The following SNTB1 variants were observed in gnomAD, a reference collection of about 807,000 sequenced individuals.
The protein encoded by SNTB1 is beta-1-syntrophin.
Under a neutral mutation model 48.9 loss-of-function variants are expected in SNTB1, and 36 were observed. That is an observed-to-expected ratio of 0.74 (90% CI 0.56 to 0.97). The LOEUF (loss-of-function observed/expected upper bound fraction) is 0.97, where lower values mean the gene tolerates loss of function less well. SNTB1 is among the 50% of genes least tolerant of loss of function. SNTB1 has a pLI of 0.00. For missense variants in SNTB1, 786 were observed against 703.4 expected, an observed-to-expected ratio of 1.12 and a Z score of -1.33; for synonymous variants, 299 against 294.6, an observed-to-expected ratio of 1.01 and a Z score of -0.15.
chr8:120,802,525 G>T (rs895063537), intron 1 of SNTB1, among the ~76,000 whole-genome samples: 6 of 152,104 alleles, frequency 3.9e-5, no homozygotes, highest in African/African-American at 1.4e-4. Context: ...ATACACCCGT[G>T]TGGAATCATA....
At chr8:120,682,374 A>G (rs971574883) in intron 2 of SNTB1, among the ~76,000 whole-genome samples, 3 of 151,066 alleles carry the variant, frequency 2.0e-5, no homozygotes, top group African/African-American at 5.0e-5. Context: ...TAGGTCTGTT[A>G]TGAGTGCCAC....
chr8:120,638,790 T>A (rs1233146341), intron 2 of SNTB1, among the ~76,000 whole-genome samples: 2 of 152,344 alleles, frequency 1.3e-5, no homozygotes, highest in Admixed American at 1.3e-4. Flanking sequence ...ACATTTTCTT[T>A]ATCCAGTCTA....
intron 3 of SNTB1, among the ~76,000 whole-genome samples, chr8:120,628,750 C>T (rs1816926799): frequency 6.6e-6 from 1 of 151,204 alleles, no homozygotes; most frequent in African/African-American, 2.4e-5. Context: ...AGCGAGACTC[C>T]ATCTCAAAGA....
At chr8:120,803,986 C>T (rs183163786) in intron 1 of SNTB1, among the ~76,000 whole-genome samples, 1 of 152,130 alleles carries the variant, frequency 6.6e-6, no homozygotes, top group Non-Finnish European at 1.5e-5. Context: ...TTTCGTCAAC[C>T]ATCTTTAAAG....
intron 1 of SNTB1, among the ~76,000 whole-genome samples, chr8:120,805,106 T>A (rs1241810014): frequency 1.3e-5 from 2 of 152,180 alleles, no homozygotes; most frequent in African/African-American, 4.8e-5. Flanking sequence ...TGAGAAACTC[T>A]CTTGCAATGA....
intron 1 of SNTB1, among the ~76,000 whole-genome samples, chr8:120,703,861 A>G (rs930470955): frequency 2.6e-5 from 4 of 152,228 alleles, no homozygotes; most frequent in African/African-American, 7.2e-5. Context: ...ACCTGGCTCT[A>G]AATGTGTAAA....
chr8:120,654,537 C>T (rs1817467853), intron 2 of SNTB1, among the ~76,000 whole-genome samples: 2 of 152,140 alleles, frequency 1.3e-5, no homozygotes. Flanking sequence ...TATGTAAATA[C>T]TGCCTATGGA....
intron 1 of SNTB1, among the ~76,000 whole-genome samples, chr8:120,758,857 A>G (rs1281771744): frequency 6.6e-6 from 1 of 152,152 alleles, no homozygotes; most frequent in Admixed American, 6.6e-5. Flanking sequence ...TCCATATTGT[A>G]TATTTCCTTG....
chr8:120,789,863 A>G (rs537156654), intron 1 of SNTB1, among the ~76,000 whole-genome samples: 1 of 152,082 alleles, frequency 6.6e-6, no homozygotes, highest in South Asian at 2.1e-4. Context: ...TGAGAAGGAG[A>G]GAATCCTTCC....
chr8:120,662,340 T>C (rs1384430475), intron 2 of SNTB1, among the ~76,000 whole-genome samples: 1 of 152,230 alleles, frequency 6.6e-6, no homozygotes, highest in African/African-American at 2.4e-5. Flanking sequence ...TCTCATCTTA[T>C]AGTAAATGCC....
intron 1 of SNTB1, among the ~76,000 whole-genome samples, chr8:120,734,648 C>T (rs1426726651): frequency 6.6e-6 from 1 of 152,016 alleles, no homozygotes; most frequent in Admixed American, 6.6e-5. Flanking sequence ...AATTAGATGG[C>T]AATTCTAGGG....
In SNTB1 at chr8:120,537,782, G is replaced by A. The variant is rs544662070; in HGVS notation, c.*1095C>T. 12 of 152,298 alleles carry A rather than the reference G, an allele frequency of 7.9e-5. No individual in the cohort carries two copies. The highest frequency in any genetic ancestry group is 6.2e-4 in the South Asian group (3 of 4,830). The allele number at this position is 152,298 out of a possible 1,614,324, so 9.4% of individuals were successfully genotyped here. The stretch of plus-strand genomic sequence containing the variant: ...TATTCCTGTAGAAAGATATCAGGTC[G>A]TTATATTATTTCCCTGGAATTCTGA... On this transcript the variant is annotated 3_prime_UTR_variant, in exon 7 of 7. Coordinates refer to ENST00000517992, the MANE Select transcript of SNTB1 (RefSeq NM_021021.4).
chr8:120,718,552 ATAG>A (rs1818601280), intron 1 of SNTB1, among the ~76,000 whole-genome samples: 1 of 152,226 alleles, frequency 6.6e-6, no homozygotes, highest in African/African-American at 2.4e-5. Context: ...ATTTAGACCT[ATAG>A]TATATGGACC....
rs571000850 is a variant in SNTB1 at position 120,746,943 on chromosome 8, G to T, written c.572-53035C>A. ...CAAGGATTCAGTCAGTCACAAGGATGTCATCATGAATAGTTTGTAATAGGG... is the reference window on the plus strand; with the variant it reads ...CAAGGATTCAGTCAGTCACAAGGATTTCATCATGAATAGTTTGTAATAGGG... On this transcript the variant is annotated intron_variant, in intron 1 of 6. Coordinates refer to ENST00000517992, the MANE Select transcript of SNTB1 (RefSeq NM_021021.4). 1.3e-4 allele frequency among the ~76,000 whole-genome samples: 20 copies of T among 152,268 alleles called. 1 individual carries two copies. The highest frequency in any genetic ancestry group is 4.8e-4 in the African/African-American group (20 of 41,562).
intron 2 of SNTB1, among the ~76,000 whole-genome samples, chr8:120,652,085 A>G (rs1274358612): frequency 6.6e-6 from 1 of 152,230 alleles, no homozygotes; most frequent in East Asian, 1.9e-4. Flanking sequence ...TATTCAATGC[A>G]TTTAAACAGA....
chr8:120,744,121 A>ATTTTTTTTTTTTTTTTTTTT (rs35604534), intron 1 of SNTB1, among the ~76,000 whole-genome samples: 10 of 136,106 alleles, frequency 7.3e-5, no homozygotes, highest in East Asian at 2.3e-4. Context: ...CCCTGTCTCA[A>ATTTTTTTTTTTTTTTTTTTT]TTTTTTTTTT....
chr8:120,677,931 T>C (rs575256135), intron 2 of SNTB1, among the ~76,000 whole-genome samples: 2 of 152,176 alleles, frequency 1.3e-5, no homozygotes, highest in Non-Finnish European at 2.9e-5. Flanking sequence ...AATTCTAACT[T>C]CTGGATCTAG....
intron 1 of SNTB1, among the ~76,000 whole-genome samples, chr8:120,804,562 A>C (rs906795511): frequency 6.6e-6 from 1 of 152,030 alleles, no homozygotes; most frequent in African/African-American, 2.4e-5. Flanking sequence ...ACCTGTTTGG[A>C]GAGTAGGAAG....
intron 3 of SNTB1, among the ~76,000 whole-genome samples, chr8:120,610,093 T>A (rs1300420757): frequency 5.3e-5 from 8 of 152,212 alleles, no homozygotes; most frequent in Admixed American, 5.2e-4. Context: ...CAGCAAAAGA[T>A]TATTTTGCTT....
Sources: gnomAD v4.1 joint callset for allele counts (sites outside exome capture counted in the v4.1 genomes callset) on GRCh38, gnomAD v4.1.1 for gene constraint, MANE v1.5 for transcripts, NCBI Gene and HGNC (gene_info 2026-07-23, HGNC 2026-07-21) for gene names.